The following WWOX variants were observed in gnomAD, a reference collection of about 807,000 sequenced individuals.
The protein encoded by WWOX is WW domain-containing oxidoreductase.
A neutral mutation model predicts 46.2 loss-of-function variants in WWOX; 69 were observed. That is an observed-to-expected ratio of 1.49 (90% CI 1.23 to 1.82). The LOEUF (loss-of-function observed/expected upper bound fraction) is 1.82. Ranked by LOEUF, WWOX falls within the 40% of genes most tolerant of loss-of-function variation. The pLI, the probability that WWOX is intolerant of heterozygous loss-of-function variation, is 0.00. For synonymous variants in WWOX, 359 were observed against 202.6 expected (o/e 1.77, Z -6.56); for missense variants, 919 against 542.6 (o/e 1.69, Z -6.89).
intron 4 of WWOX, among the ~76,000 whole-genome samples, chr16:78,144,216 C>A (rs911326279): frequency 6.6e-6 from 1 of 151,390 alleles, no homozygotes; most frequent in Non-Finnish European, 1.5e-5. Context: ...GTGGCTGGGG[C>A]ACTAATGATT....
chr16:78,319,875 C>A (rs1245875253), intron 5 of WWOX, among the ~76,000 whole-genome samples: 1 of 152,196 alleles, frequency 6.6e-6, no homozygotes, highest in African/African-American at 2.4e-5. Flanking sequence ...CGCGTCTTTT[C>A]TGCCTGGGAG....
At chr16:78,190,767 T>G (rs925555243) in intron 5 of WWOX, among the ~76,000 whole-genome samples, 15 of 152,200 alleles carry the variant, frequency 9.9e-5, no homozygotes, top group African/African-American at 3.1e-4. Flanking sequence ...ATAATTAATC[T>G]TGGAGATGAC....
At chr16:78,544,436 C>T (rs544458835) in intron 8 of WWOX, among the ~76,000 whole-genome samples, 1 of 152,322 alleles carries the variant, frequency 6.6e-6, no homozygotes, top group South Asian at 2.1e-4. Flanking sequence ...GTCAGTTCCT[C>T]ATTTGCAGAT....
chr16:78,177,174 A>G (rs918543562), intron 5 of WWOX, among the ~76,000 whole-genome samples: 2 of 152,166 alleles, frequency 1.3e-5, no homozygotes, highest in East Asian at 3.8e-4. Flanking sequence ...GCGGGTACAC[A>G]TTTTTATCTT....
At chr16:78,893,697 C>T (rs1477751232) in intron 8 of WWOX, among the ~76,000 whole-genome samples, 2 of 152,150 alleles carry the variant, frequency 1.3e-5, no homozygotes, top group Non-Finnish European at 2.9e-5. Flanking sequence ...AGGGGCCCTT[C>T]TAGCACTTCT....
At chr16:78,525,294 T>A (rs2043438047) in intron 8 of WWOX, 1 of 150,288 alleles carries the variant, frequency 6.7e-6, no homozygotes, top group African/African-American at 2.4e-5. Flanking sequence ...CATGCCATTG[T>A]CCTCCCTCAG....
chr16:78,174,524 A>T (rs190276887), intron 5 of WWOX, among the ~76,000 whole-genome samples: 48 of 152,302 alleles, frequency 3.2e-4, no homozygotes, highest in African/African-American at 1.1e-3. Flanking sequence ...TCCAAAATTC[A>T]TGTTCTTCTG....
At chr16:78,508,576 C>G (rs2085275962) in intron 8 of WWOX, among the ~76,000 whole-genome samples, 1 of 152,144 alleles carries the variant, frequency 6.6e-6, no homozygotes, top group South Asian at 2.1e-4. Flanking sequence ...TTTTATTTCT[C>G]AAACCAGGTT....
At chr16:79,011,495 A>ATTTG (rs1248005125) in intron 8 of WWOX, among the ~76,000 whole-genome samples, 1 of 140,750 alleles carries the variant, frequency 7.1e-6, no homozygotes, top group Non-Finnish European at 1.5e-5. Flanking sequence ...TTATTTATTT[A>ATTTG]TTTATTTATT....
intron 5 of WWOX, among the ~76,000 whole-genome samples, chr16:78,194,802 G>A (rs1372128441): frequency 6.6e-6 from 1 of 151,708 alleles, no homozygotes; most frequent in East Asian, 1.9e-4. Context: ...CTTAACTCCC[G>A]ATCCTTTTAA....
chr16:79,152,673 G>GAA (rs5818205), intron 8 of WWOX, among the ~76,000 whole-genome samples: 5 of 125,862 alleles, frequency 4.0e-5, no homozygotes, highest in Admixed American at 7.9e-5. Flanking sequence ...CCATCTCAAA[G>GAA]AAAAAAAAAA....
rs1377248301 is a variant in WWOX at position 78,549,281 on chromosome 16, A to G, written c.1056+116529A>G. Among the ~76,000 whole-genome samples, 4 of 152,236 alleles carry G rather than the reference A, an allele frequency of 2.6e-5. No individual in the cohort carries two copies. In the East Asian group the frequency reaches 7.7e-4, roughly 29 times the overall value. On this transcript the variant is annotated intron_variant, in intron 8 of 8. Transcript: ENST00000566780. ...GATTCATTCTTCACGTCTCAGATAT[A>G]TAAAGCTTATTTCAAAATAAATTCT... is the stretch of plus-strand genomic sequence containing the variant.
chr16:79,121,030 A>T (rs1371854984), intron 8 of WWOX, among the ~76,000 whole-genome samples: 1 of 152,144 alleles, frequency 6.6e-6, no homozygotes, highest in Non-Finnish European at 1.5e-5. Flanking sequence ...TGGCCTCCCA[A>T]AGTGCTGGGA....
intron 8 of WWOX, among the ~76,000 whole-genome samples, chr16:78,598,832 C>T (rs770661635): frequency 6.6e-6 from 1 of 152,036 alleles, no homozygotes; most frequent in African/African-American, 2.4e-5. Flanking sequence ...CTTCATTGTC[C>T]CCTTCATACA....
intron 8 of WWOX, among the ~76,000 whole-genome samples, chr16:78,740,945 C>G (rs1342255360): frequency 6.6e-6 from 1 of 152,120 alleles, no homozygotes; most frequent in Non-Finnish European, 1.5e-5. Context: ...CACTATGTCA[C>G]ATTGTTGGAG....
chr16:78,908,412 C>T (rs563782571), intron 8 of WWOX, among the ~76,000 whole-genome samples: 10 of 151,988 alleles, frequency 6.6e-5, no homozygotes, highest in East Asian at 1.9e-4. Context: ...TAGTGGTAGG[C>T]GCCTGTAATC....
At chr16:78,871,664 A>G (rs117506204) in intron 8 of WWOX, among the ~76,000 whole-genome samples, 4,321 of 152,302 alleles carry the variant, frequency 0.028, 185 homozygotes, top group East Asian at 0.22. Context: ...CAGTAGTGCA[A>G]TTTCAGCTCA....
rs543523085 is a variant in WWOX, at chr16:78,689,749, T to G, written c.1056+256997T>G. Among the ~76,000 whole-genome samples the G allele has an allele frequency of 3.9e-5, 6 of 152,332 alleles. No individual in the cohort carries two copies. In the South Asian group the frequency reaches 1.2e-3, roughly 32 times the overall value. On this transcript the variant is annotated intron_variant, in intron 8 of 8. Transcript: ENST00000566780. ...CAGCTGTCTTTATTATATTTGGAGT[T>G]GAGCCCTATCTCTCTCCCCTATTGC...
chr16:79,028,758 T>C (rs985802974), intron 8 of WWOX, among the ~76,000 whole-genome samples: 1 of 151,916 alleles, frequency 6.6e-6, no homozygotes, highest in Non-Finnish European at 1.5e-5. Flanking sequence ...TAATTTATTT[T>C]CTTTACATTA....
Sources: allele counts gnomAD v4.1 joint callset (sites outside exome capture counted in the v4.1 genomes callset), GRCh38; gene constraint gnomAD v4.1.1; transcripts MANE v1.5; gene names NCBI Gene and HGNC (gene_info 2026-07-23, HGNC 2026-07-21).